INA: variants seen among roughly 807,000 people sequenced by gnomAD.
The protein encoded by INA is internexin neuronal intermediate filament protein alpha.
In INA, 35 loss-of-function variants were observed where a neutral mutation model predicts 40.1. That is an observed-to-expected ratio of 0.87 (90% CI 0.67 to 1.16). INA has a LOEUF of 1.16. INA is among the 50% of genes most tolerant of loss of function. The probability of loss-of-function intolerance (pLI) is 0.00; values close to 1 mark genes in which losing one functional copy is unlikely to be tolerated. For missense variants in INA, 594 were observed against 686.7 expected (o/e 0.87, Z 1.51); for synonymous variants, 290 against 316.9 (o/e 0.92, Z 0.90).
At chr10:103,279,927 A>T in intron 1 of INA, 1 of 1,289,258 alleles carries the variant, frequency 7.8e-7, no homozygotes. Flanking sequence ...TTGAGACTTC[A>T]TTTTTTTCTT....
intron 1 of INA, among the ~76,000 whole-genome samples, chr10:103,281,269 G>T (rs1041227769): frequency 6.6e-6 from 1 of 151,914 alleles, no homozygotes; most frequent in African/African-American, 2.4e-5. Flanking sequence ...CTGTCACCTG[G>T]GCTACCATGA....
rs757924398 is a variant in INA, at chr10:103,277,364, G to A, written c.153G>A (p.Ser51=). The change falls in exon 1 of 3, where the codon TCG becomes TCA. Residue 51 remains serine (S), a synonymous_variant. Coordinates refer to ENST00000369849, the MANE Select transcript of INA (RefSeq NM_032727.4). This position sits in a 1 kb window ranked among gnomAD's most constrained non-coding sequence, Gnocchi z 5.6. ...QSLSRSNVAS[S]AACSSASSLG... ...TGTCCCGCAGCAATGTGGCCTCCTC[G>A]GCCGCCTGCTCCTCGGCCTCGTCGC... 100 of 1,569,134 alleles carry A rather than the reference G, an allele frequency of 6.4e-5. No homozygotes were observed. Among genetic ancestry groups the A allele is most frequent in the Non-Finnish European group, 8.5e-5 (99 of 1,164,464 alleles).
chr10:103,290,209 T>G lies in INA; in HGVS notation c.*1540T>G, dbSNP rs1481303076. ...ATGATGCTTTTACTGAACTTTCTTATCCTAGCACATGCTTCAATAGTTCAA... is the reference window on the plus strand; with the variant it reads ...ATGATGCTTTTACTGAACTTTCTTAGCCTAGCACATGCTTCAATAGTTCAA... On this transcript the variant is annotated 3_prime_UTR_variant, in exon 3 of 3. Transcript: ENST00000369849. The G allele has an allele frequency of 2.6e-5, 4 of 152,646 alleles. No individual in the cohort carries two copies. Among genetic ancestry groups the G allele is most frequent in the Non-Finnish European group, 5.9e-5 (4 of 68,048 alleles). 9.5% of individuals were successfully genotyped at this position (152,646 alleles called of 1,614,324 possible).
rs34755376 is a variant in INA, at chr10:103,283,748, CTTTTTTT to C, written c.1066-3274_1066-3268del. The stretch of plus-strand genomic sequence containing the variant: ...GATATGTTTATCTGCATCACTGTTT[CTTTTTTT>C]TTTTTTTTTTTTGAGATGGAGTTTT... On this transcript the variant is annotated intron_variant, in intron 1 of 2. Coordinates refer to ENST00000369849, the MANE Select transcript of INA (RefSeq NM_032727.4). Among the ~76,000 whole-genome samples, 269 of 114,914 alleles carry C rather than the reference CTTTTTTT, an allele frequency of 2.3e-3. 3 individuals carry two copies. The highest frequency in any genetic ancestry group is 4.7e-3 in the Middle Eastern group (1 of 214). The allele number at this position is 114,914 out of a possible 152,430, so 75.4% of individuals were successfully genotyped here.
At position 103,290,141 on chromosome 10, in the gene INA, GTC is replaced by G. The variant is rs1242500637; in HGVS notation, c.*1476_*1477del. On this transcript the variant is annotated 3_prime_UTR_variant, in exon 3 of 3. Transcript: ENST00000369849. ...TCGGCCAGAGCTGAAGAGTTGCCCCGTCTCTGTTCCATGTCTCCTTTAAGAGC... is the reference window on the plus strand; with the variant it reads ...TCGGCCAGAGCTGAAGAGTTGCCCCGTCTGTTCCATGTCTCCTTTAAGAGC... 8 of 152,616 alleles carry G rather than the reference GTC, an allele frequency of 5.2e-5. No homozygotes were observed. Among genetic ancestry groups the G allele is most frequent in the Admixed American group, 5.2e-4 (8 of 15,262 alleles). 9.5% of individuals were successfully genotyped at this position (152,616 alleles called of 1,614,324 possible). A position where few individuals can be genotyped will look rare whatever the true frequency, so the allele number is the denominator to read the frequency against.
chr10:103,285,046 C>T (rs905833228), intron 1 of INA, among the ~76,000 whole-genome samples: 7 of 152,020 alleles, frequency 4.6e-5, no homozygotes, highest in Non-Finnish European at 1.0e-4. Flanking sequence ...TGCAATGGCA[C>T]GATCTCGGCT....
rs533113833 is a variant in INA at position 103,277,575 on chromosome 10, T to C, written c.364T>C (p.Leu122=). ...VHQLETQNRA[L]EAELAALRQR... Reference sequence around the variant, plus strand: ...TCAGCTGGAGACGCAGAACCGCGCGTTGGAGGCCGAGCTGGCCGCGCTGCG... The same window carrying C: ...TCAGCTGGAGACGCAGAACCGCGCGCTGGAGGCCGAGCTGGCCGCGCTGCG... Residue 122 remains leucine, a synonymous_variant, in exon 1 of 3, where the codon TTG becomes CTG. Coordinates refer to ENST00000369849, the MANE Select transcript of INA (RefSeq NM_032727.4). The surrounding 1 kb of genome is among the most constrained non-coding windows in gnomAD (Gnocchi z 5.6). The C allele has an allele frequency of 3.8e-6, 6 of 1,568,930 alleles. No homozygotes were observed. The African/African-American group carries it at 4.2e-5, about 11-fold the overall frequency.
chr10:103,282,086 G>A (rs999461106), intron 1 of INA, among the ~76,000 whole-genome samples: 8 of 152,232 alleles, frequency 5.3e-5, no homozygotes, highest in African/African-American at 1.7e-4. Flanking sequence ...AAAGAGACCA[G>A]ACATTGAAGA....
rs1481080225 is a variant in INA, at chr10:103,277,817, C to T, written c.606C>T (p.Asp202=). 4 of 1,538,150 alleles carry T rather than the reference C, an allele frequency of 2.6e-6. No individual in the cohort carries two copies. In the African/African-American group the frequency reaches 4.1e-5, roughly 16 times the overall value. ...GCGCCCTGAAGGCGCAGCAGCGCGA[C>T]GTGGACGGCGCCACGCTGGCCCGCC... ...AERALKAQQR[D]VDGATLARLD... Residue 202 remains aspartate, a synonymous_variant, in exon 1 of 3, where the codon GAC becomes GAT. Coordinates refer to ENST00000369849, the MANE Select transcript of INA (RefSeq NM_032727.4). This position sits in a 1 kb window ranked among gnomAD's most constrained non-coding sequence, Gnocchi z 5.6.
Position 103,277,378 on chromosome 10 carries a change from C to CGGCCTCGTCGCTCGGCCTCGGCCT in INA, c.173_196dup (p.Ser58_Ala65dup). On this transcript the variant is annotated inframe_insertion, in exon 1 of 3. Transcript: ENST00000369849. This position sits in a 1 kb window ranked among gnomAD's most constrained non-coding sequence, Gnocchi z 5.6. ...GTGGCCTCCTCGGCCGCCTGCTCCT[C>CGGCCTCGTCGCTCGGCCTCGGCCT]GGCCTCGTCGCTCGGCCTCGGCCTG... The CGGCCTCGTCGCTCGGCCTCGGCCT allele has an allele frequency of 6.4e-7, 1 of 1,561,662 alleles. No homozygotes were observed. Among genetic ancestry groups the CGGCCTCGTCGCTCGGCCTCGGCCT allele is most frequent in the Non-Finnish European group, 8.6e-7 (1 of 1,161,084 alleles).
chr10:103,285,142 C>G (rs950469140), intron 1 of INA, among the ~76,000 whole-genome samples: 1 of 151,964 alleles, frequency 6.6e-6, no homozygotes, highest in African/African-American at 2.4e-5. Context: ...CACCACCACG[C>G]CCGGCTAATT....
chr10:103,281,865 A>C (rs1226814998), intron 1 of INA, among the ~76,000 whole-genome samples: 1 of 152,222 alleles, frequency 6.6e-6, no homozygotes, highest in African/African-American at 2.4e-5. Flanking sequence ...GACGATGCTC[A>C]GCGTTTGTCT....
rs2234974 is a variant in INA, at chr10:103,277,199, C to A, written c.-13C>A. On this transcript the variant is annotated 5_prime_UTR_variant, in exon 1 of 3. Transcript: ENST00000369849. This position sits in a 1 kb window ranked among gnomAD's most constrained non-coding sequence, Gnocchi z 5.6. ...CGCGTTGAAGCCGCACGTCCGGCCC[C>A]GATCCCGGCACCATGAGCTTCGGCT... is the stretch of plus-strand genomic sequence containing the variant. 7 of 1,569,086 alleles carry A rather than the reference C, an allele frequency of 4.5e-6. No homozygotes were observed. Among genetic ancestry groups the A allele is most frequent in the African/African-American group, 4.3e-5 (3 of 70,392 alleles).
intron 1 of INA, among the ~76,000 whole-genome samples, chr10:103,283,331 GTCTATGTCAGTGAT>G (rs2093076780): frequency 6.6e-6 from 1 of 152,068 alleles, no homozygotes; most frequent in East Asian, 1.9e-4. Flanking sequence ...TAGCTAGAGG[GTCTATGTCAGTGAT>G]TCTATGTCAG....
intron 1 of INA, among the ~76,000 whole-genome samples, chr10:103,285,894 A>C (rs1383318100): frequency 2.6e-5 from 4 of 152,170 alleles, no homozygotes; most frequent in Non-Finnish European, 1.5e-5. Flanking sequence ...CTAGGATTAC[A>C]GGTGTGAGCC....
chr10:103,280,006 A>G lies in INA; in HGVS notation c.1065+1730A>G, dbSNP rs1420511937. On this transcript the variant is annotated intron_variant, in intron 1 of 2. Transcript: ENST00000369849. ...AGCCCAGTATTTCTACAAAAAAAGGATAACTTACTCAGAGCTGCCAGCTGA... is the reference window on the plus strand; with the variant it reads ...AGCCCAGTATTTCTACAAAAAAAGGGTAACTTACTCAGAGCTGCCAGCTGA... 5 of 1,287,498 alleles carry G rather than the reference A, an allele frequency of 3.9e-6. No individual in the cohort carries two copies. The East Asian group carries it at 2.2e-4, about 57-fold the overall frequency. 79.8% of individuals were successfully genotyped at this position (1,287,498 alleles called of 1,614,324 possible). A position where few individuals can be genotyped will look rare whatever the true frequency, so the allele number is the denominator to read the frequency against.
rs780198749 is a variant in INA, at chr10:103,277,463, C to A, written c.252C>A (p.Thr84=). The A allele has an allele frequency of 1.3e-6, 2 of 1,578,234 alleles. No homozygotes were observed. Among genetic ancestry groups the A allele is most frequent in the South Asian group, 2.3e-5 (2 of 87,612 alleles). Residue 84 remains threonine, a synonymous_variant, in exon 1 of 3, where the codon ACC becomes ACA. Transcript: ENST00000369849. This position sits in a 1 kb window ranked among gnomAD's most constrained non-coding sequence, Gnocchi z 5.6. ...ACCTGAGCCAGGCGGCGGCGCGCAC[C>A]AACGAGTACAAGATCATCCGCACCA... ...GLDLSQAAAR[T]NEYKIIRTNE...
Position 103,278,178 on chromosome 10 carries a change from A to G in INA, c.967A>G (p.Thr323Ala). Reference protein sequence around the residue: ...HEYRRQLQARTIEIEGLRGAN... With the variant: ...HEYRRQLQARAIEIEGLRGAN... ...GTATCGGCGCCAGCTGCAGGCGCGC[A>G]CCATCGAGATCGAGGGCCTGCGCGG... is the stretch of plus-strand genomic sequence containing the variant. Residue 323 changes from threonine to alanine, a missense_variant, in exon 1 of 3, where the codon ACC becomes GCC. By Grantham distance (58) the Thr-to-Ala change is moderately conservative. Around this residue, in one of 2 missense-constraint regions of INA, gnomAD observed 379 missense variants for 496.1 expected, o/e 0.76. Coordinates refer to ENST00000369849, the MANE Select transcript of INA (RefSeq NM_032727.4). The surrounding 1 kb of genome is among the most constrained non-coding windows in gnomAD (Gnocchi z 4.9). The G allele has an allele frequency of 6.2e-7, 1 of 1,611,102 alleles. No individual in the cohort carries two copies. The highest frequency in any genetic ancestry group is 8.5e-7 in the Non-Finnish European group (1 of 1,179,150).
chr10:103,277,743 C>T lies in INA; in HGVS notation c.532C>T (p.Leu178=). ...CGGGCTGGCGGAGGAGGTGCAGCGG[C>T]TGCGGGCGCGCTGCGAGGAGGAGAG... ...RDGLAEEVQR[L]RARCEEESRG... is the part of the protein sequence containing the mutation. The change falls in exon 1 of 3, where the codon CTG becomes TTG. Residue 178 remains leucine (L), a synonymous_variant. Coordinates refer to ENST00000369849, the MANE Select transcript of INA (RefSeq NM_032727.4). The surrounding 1 kb of genome is among the most constrained non-coding windows in gnomAD (Gnocchi z 5.6). 1 of 1,421,408 alleles carries T rather than the reference C, an allele frequency of 7.0e-7. No homozygotes were observed. Among genetic ancestry groups the T allele is most frequent in the Non-Finnish European group, 9.1e-7 (1 of 1,100,872 alleles). The allele number at this position is 1,421,408 out of a possible 1,614,324, so 88.0% of individuals were successfully genotyped here. A position where few individuals can be genotyped will look rare whatever the true frequency, so the allele number is the denominator to read the frequency against.
Sources: allele counts gnomAD v4.1 joint callset (sites outside exome capture counted in the v4.1 genomes callset), GRCh38; gene constraint gnomAD v4.1.1; regional missense constraint gnomAD v4.1.1; non-coding constraint Gnocchi (gnomAD v3.1); transcripts MANE v1.5; gene names NCBI Gene and HGNC (gene_info 2026-07-23, HGNC 2026-07-21).